The following NKAIN2 variants were observed in gnomAD, a reference collection of about 807,000 sequenced individuals.
NKAIN2 encodes the protein sodium/potassium transporting ATPase interacting 2, also known as sodium/potassium-transporting ATPase subunit beta-1-interacting protein 2.
A neutral mutation model predicts 32.6 loss-of-function variants in NKAIN2; 14 were observed. The observed-to-expected ratio is 0.43, with a 90% CI of 0.28 to 0.67. The LOEUF (loss-of-function observed/expected upper bound fraction) is 0.67, where lower values mean the gene tolerates loss of function less well. Ranked by LOEUF, NKAIN2 falls within the 30% of genes least tolerant of loss-of-function variation. The pLI is 0.17. For missense variants in NKAIN2, 198 were observed against 258.3 expected (o/e 0.77, Z 1.60); for synonymous variants, 80 against 87.2 (o/e 0.92, Z 0.46).
intron 1 of NKAIN2, among the ~76,000 whole-genome samples, chr6:124,261,790 G>A (rs1794261169): frequency 6.6e-6 from 1 of 151,354 alleles, no homozygotes; most frequent in Admixed American, 6.6e-5. Context: ...AATCCGGGAG[G>A]CAGAGATTGC....
At chr6:123,883,155 A>AT (rs1197843376) in intron 1 of NKAIN2, among the ~76,000 whole-genome samples, 1 of 151,766 alleles carries the variant, frequency 6.6e-6, no homozygotes, top group Non-Finnish European at 1.5e-5. Context: ...AATTATTATT[A>AT]TTTTTTTGAG....
At chr6:124,736,514 A>C (rs1478919536) in intron 4 of NKAIN2, among the ~76,000 whole-genome samples, 1 of 151,950 alleles carries the variant, frequency 6.6e-6, no homozygotes, top group African/African-American at 2.4e-5. Context: ...GCCTGGCTTC[A>C]AAACTTCAAA....
chr6:123,972,193 G>A (rs1215371489), intron 1 of NKAIN2, among the ~76,000 whole-genome samples: 3 of 152,152 alleles, frequency 2.0e-5, no homozygotes, highest in Admixed American at 1.3e-4. Flanking sequence ...TTCATCAATG[G>A]TTTATGTTAT....
At chr6:123,969,271 A>G (rs564274745) in intron 1 of NKAIN2, among the ~76,000 whole-genome samples, 1 of 152,304 alleles carries the variant, frequency 6.6e-6, no homozygotes, top group South Asian at 2.1e-4. Flanking sequence ...TCATTATGGT[A>G]TGAAATGATG....
At chr6:123,926,242 A>G (rs889118923) in intron 1 of NKAIN2, among the ~76,000 whole-genome samples, 1 of 152,204 alleles carries the variant, frequency 6.6e-6, no homozygotes, top group Non-Finnish European at 1.5e-5. Context: ...CTTCTCAGGT[A>G]TGCTAATGAT....
intron 4 of NKAIN2, among the ~76,000 whole-genome samples, chr6:124,693,973 T>A (rs1384526450): frequency 1.3e-5 from 2 of 152,222 alleles, no homozygotes; most frequent in Non-Finnish European, 2.9e-5. Context: ...GGTCCATTTT[T>A]AAAATAATTT....
intron 1 of NKAIN2, among the ~76,000 whole-genome samples, chr6:124,151,008 A>G (rs1787687439): frequency 6.6e-6 from 1 of 152,094 alleles, no homozygotes; most frequent in African/African-American, 2.4e-5. Flanking sequence ...TATTTGAATA[A>G]TGGCATTATT....
At chr6:124,379,327 G>T (rs1011290034) in intron 3 of NKAIN2, among the ~76,000 whole-genome samples, 1 of 144,726 alleles carries the variant, frequency 6.9e-6, no homozygotes, top group Non-Finnish European at 1.5e-5. Flanking sequence ...AGAAAGAAGG[G>T]AGGAGAGAGG....
intron 3 of NKAIN2, among the ~76,000 whole-genome samples, chr6:124,582,165 C>A (rs1266825669): frequency 2.6e-5 from 4 of 151,382 alleles, no homozygotes; most frequent in Non-Finnish European, 5.9e-5. Flanking sequence ...TAAATAAAAC[C>A]AGAGATAAAA....
At chr6:123,997,597 C>CTTTTTTTTTT (rs545393601) in intron 1 of NKAIN2, among the ~76,000 whole-genome samples, 1 of 98,258 alleles carries the variant, frequency 1.0e-5, no homozygotes, top group Non-Finnish European at 1.9e-5. Context: ...GGAGTTTATT[C>CTTTTTTTTTT]TTTTTTTTTT....
chr6:123,924,224 C>T (rs1255356534), intron 1 of NKAIN2, among the ~76,000 whole-genome samples: 4 of 152,196 alleles, frequency 2.6e-5, no homozygotes, highest in Non-Finnish European at 5.9e-5. Context: ...AAGCACAACT[C>T]ACCTAGTAAA....
chr6:124,393,845 A>T (rs1159445825), intron 3 of NKAIN2, among the ~76,000 whole-genome samples: 1 of 152,200 alleles, frequency 6.6e-6, no homozygotes, highest in African/African-American at 2.4e-5. Flanking sequence ...AATTCTGTGA[A>T]CTGTTTCATT....
chr6:123,888,678 T>C (rs994365706), intron 1 of NKAIN2, among the ~76,000 whole-genome samples: 2 of 152,172 alleles, frequency 1.3e-5, no homozygotes, highest in Non-Finnish European at 2.9e-5. Context: ...AAAAAGCAAC[T>C]GGTCTTTGTT....
At chr6:124,378,866 G>T (rs1443491621) in intron 3 of NKAIN2, among the ~76,000 whole-genome samples, 3 of 150,706 alleles carry the variant, frequency 2.0e-5, no homozygotes, top group Non-Finnish European at 3.0e-5. Context: ...AAGACTGGAG[G>T]ATCACTTGAA....
chr6:124,134,831 G>T (rs772836428), intron 1 of NKAIN2, among the ~76,000 whole-genome samples: 1 of 152,106 alleles, frequency 6.6e-6, no homozygotes, highest in Admixed American at 6.5e-5. Context: ...TATCACCTAG[G>T]CATATAGACA....
chr6:124,759,656 C>CTATCT (rs879444854), intron 4 of NKAIN2, among the ~76,000 whole-genome samples: 1 of 66,332 alleles, frequency 1.5e-5, no homozygotes, highest in African/African-American at 4.0e-5. Context: ...CACACACACA[C>CTATCT]CCCCTATCTC....
chr6:124,490,325 T>G (rs1777811510), intron 3 of NKAIN2: 1 of 420,246 alleles, frequency 2.4e-6, no homozygotes, highest in Non-Finnish European at 4.7e-6. Flanking sequence ...TGACACCAAG[T>G]AAACACTTTC....
intron 3 of NKAIN2, among the ~76,000 whole-genome samples, chr6:124,562,271 G>A (rs920053434): frequency 5.9e-5 from 9 of 152,104 alleles, no homozygotes; most frequent in Non-Finnish European, 1.2e-4. Flanking sequence ...TAGTGCCATT[G>A]AGACACCATC....
chr6:124,771,507 T>G (rs1206963712), intron 4 of NKAIN2, among the ~76,000 whole-genome samples: 1 of 152,174 alleles, frequency 6.6e-6, no homozygotes, highest in African/African-American at 2.4e-5. Flanking sequence ...AAAAAATGAT[T>G]GAGAGTTCTA....
Sources: allele counts gnomAD v4.1 joint callset (sites outside exome capture counted in the v4.1 genomes callset), GRCh38; gene constraint gnomAD v4.1.1; transcripts MANE v1.5; gene names NCBI Gene and HGNC (gene_info 2026-07-23, HGNC 2026-07-21).